TRIO: variants seen among roughly 807,000 people sequenced by gnomAD.
TRIO encodes the protein triple functional domain protein.
TRIO carries 58 observed loss-of-function variants against 351.9 expected under a neutral mutation model. That is an observed-to-expected ratio of 0.16 (90% CI 0.13 to 0.21). The LOEUF is 0.21. TRIO is among the 10% of genes least tolerant of loss of function. The pLI is 1.00. For synonymous variants in TRIO, 1,758 were observed against 1,595.7 expected (o/e 1.10, Z -2.42); for missense variants, 3,201 against 4,027.8 (o/e 0.79, Z 5.56).
chr5:14,508,380 C>T lies in TRIO; in HGVS notation c.9252C>T (p.Ser3084=), dbSNP rs1342371867. 2.5e-6 allele frequency: 4 copies of T among 1,613,082 alleles called. No homozygotes were observed. The highest frequency in any genetic ancestry group is 2.5e-6 in the Non-Finnish European group (3 of 1,179,436). Residue 3084 remains serine, a synonymous_variant, in exon 57 of 57, where the codon AGC becomes AGT. Coordinates refer to ENST00000344204, the MANE Select transcript of TRIO (RefSeq NM_007118.4). The part of the protein sequence containing the change: ...KHQNDVRPIR[S]IKNFLQSRLL... ...AGAATGATGTTCGACCTATCCGTAG[C>T]ATTAAAAACTTTCTGCAGAGCAGGC...
chr5:14,253,206 A>G (rs559286359), intron 1 of TRIO, among the ~76,000 whole-genome samples: 2 of 152,314 alleles, frequency 1.3e-5, no homozygotes, highest in Non-Finnish European at 2.9e-5. Flanking sequence ...AGAAAATAGA[A>G]AAATCTTTTA....
In TRIO at chr5:14,509,134, G is replaced by C. The variant is rs1757919982; in HGVS notation, c.*712G>C. The C allele has an allele frequency of 4.2e-6, 1 of 237,188 alleles. No individual in the cohort carries two copies. Among genetic ancestry groups the C allele is most frequent in the South Asian group, 4.2e-5 (1 of 23,832 alleles). The allele number at this position is 237,188 out of a possible 1,614,324, so 14.7% of individuals were successfully genotyped here. A position where few individuals can be genotyped will look rare whatever the true frequency, so the allele number is the denominator to read the frequency against. ...GTCTTCCCATCACATGAAGACATCA[G>C]GTTGGGTCCTGCCCCACTGCCCCTC... On this transcript the variant is annotated 3_prime_UTR_variant, in exon 57 of 57. Transcript: ENST00000344204.
In TRIO at chr5:14,414,765, C is replaced by T. The variant is rs544902311; in HGVS notation, c.4960-5013C>T. Among the ~76,000 whole-genome samples the T allele has an allele frequency of 4.6e-5, 7 of 152,216 alleles. No individual in the cohort carries two copies. The South Asian group carries it at 6.2e-4, about 14-fold the overall frequency. Reference sequence around the variant, plus strand: ...ACTCTAAGTGGCAGATTTTAGTGAACGCTTCTTCTTGGAATTTGACCTTAT... The same window carrying T: ...ACTCTAAGTGGCAGATTTTAGTGAATGCTTCTTCTTGGAATTTGACCTTAT... On this transcript the variant is annotated intron_variant, in intron 33 of 56. Transcript: ENST00000344204.
At chr5:14,196,422 C>CAAAA (rs71597902) in intron 1 of TRIO, among the ~76,000 whole-genome samples, 2,992 of 101,432 alleles carry the variant, frequency 0.029, 99 homozygotes, top group Admixed American at 0.06. Flanking sequence ...GACTCCGTCT[C>CAAAA]AAAAAAAAAA....
At chr5:14,235,320 T>C (rs1793697042) in intron 1 of TRIO, among the ~76,000 whole-genome samples, 1 of 152,234 alleles carries the variant, frequency 6.6e-6, no homozygotes, top group South Asian at 2.1e-4. Flanking sequence ...ATAAAGTTAA[T>C]GAGATCCAAA....
chr5:14,191,893 C>A (rs1790480493), intron 1 of TRIO, among the ~76,000 whole-genome samples: 1 of 152,126 alleles, frequency 6.6e-6, no homozygotes, highest in African/African-American at 2.4e-5. Context: ...TTTTTGTATT[C>A]AATAACAACT....
intron 21 of TRIO, among the ~76,000 whole-genome samples, chr5:14,384,780 CA>C (rs991788264): frequency 6.6e-6 from 1 of 151,674 alleles, no homozygotes; most frequent in African/African-American, 2.4e-5. Flanking sequence ...TTCACCTACA[CA>C]AAAAAATGTA....
intron 48 of TRIO, chr5:14,488,594 G>T: frequency 2.0e-6 from 1 of 492,960 alleles, no homozygotes; most frequent in Non-Finnish European, 3.6e-6. Context: ...TTTTTGGAGG[G>T]TTCCTTTTCC....
At chr5:14,178,059 T>C (rs1244716557) in intron 1 of TRIO, among the ~76,000 whole-genome samples, 1 of 152,250 alleles carries the variant, frequency 6.6e-6, no homozygotes, top group African/African-American at 2.4e-5. Flanking sequence ...ACAAATACTC[T>C]TGTATTCATG....
chr5:14,211,205 CA>C (rs1791869858), intron 1 of TRIO, among the ~76,000 whole-genome samples: 1 of 152,138 alleles, frequency 6.6e-6, no homozygotes, highest in Non-Finnish European at 1.5e-5. Context: ...ATCATTTCCT[CA>C]AAAAGAGGAG....
intron 1 of TRIO, among the ~76,000 whole-genome samples, chr5:14,206,236 A>G (rs1189450495): frequency 1.3e-5 from 2 of 151,754 alleles, no homozygotes; most frequent in African/African-American, 4.8e-5. Flanking sequence ...AATTTTTTGT[A>G]TTTGTGGTAG....
At chr5:14,469,691 G>A (rs1397656503) in intron 37 of TRIO, among the ~76,000 whole-genome samples, 5 of 152,234 alleles carry the variant, frequency 3.3e-5, no homozygotes, top group Admixed American at 1.3e-4. Flanking sequence ...CAACTGCACC[G>A]CTTCAGGGTG....
At chr5:14,353,212 G>A (rs536957592) in intron 11 of TRIO, among the ~76,000 whole-genome samples, 3 of 151,512 alleles carry the variant, frequency 2.0e-5, no homozygotes, top group Non-Finnish European at 2.9e-5. Context: ...AGTAACAGTG[G>A]CTAGCATTTA....
intron 46 of TRIO, among the ~76,000 whole-genome samples, chr5:14,483,324 G>A (rs751800981): frequency 2.6e-5 from 4 of 152,220 alleles, no homozygotes; most frequent in Non-Finnish European, 5.9e-5. Flanking sequence ...CCAAGGGTGA[G>A]GTAGAGAAGA....
intron 36 of TRIO, among the ~76,000 whole-genome samples, chr5:14,465,184 A>C (rs935226044): frequency 2.0e-5 from 3 of 151,998 alleles, no homozygotes; most frequent in Admixed American, 2.0e-4. Flanking sequence ...TGTAGGTCAG[A>C]TTCTCTATTC....
intron 1 of TRIO, among the ~76,000 whole-genome samples, chr5:14,188,479 A>G (rs1266584085): frequency 1.3e-5 from 2 of 152,230 alleles, no homozygotes; most frequent in Non-Finnish European, 2.9e-5. Context: ...CATATAGTAG[A>G]CATGAGTATA....
intron 11 of TRIO, among the ~76,000 whole-genome samples, chr5:14,339,464 C>G (rs931866888): frequency 6.6e-6 from 1 of 152,188 alleles, no homozygotes; most frequent in Non-Finnish European, 1.5e-5. Context: ...ACTAAGGAGA[C>G]CTTAAATCAG....
chr5:14,427,226 G>T (rs1468400300), intron 34 of TRIO, among the ~76,000 whole-genome samples: 1 of 151,934 alleles, frequency 6.6e-6, no homozygotes, highest in African/African-American at 2.4e-5. Flanking sequence ...TAAACATCTC[G>T]CCTGGTGAGG....
chr5:14,230,903 A>G (rs1793380394), intron 1 of TRIO, among the ~76,000 whole-genome samples: 1 of 152,210 alleles, frequency 6.6e-6, no homozygotes, highest in Non-Finnish European at 1.5e-5. Context: ...TGATGGAGTT[A>G]TGGCCCCTGC....
Sources: allele counts gnomAD v4.1 joint callset (sites outside exome capture counted in the v4.1 genomes callset), GRCh38; gene constraint gnomAD v4.1.1; transcripts MANE v1.5; gene names NCBI Gene and HGNC (gene_info 2026-07-23, HGNC 2026-07-21).